Variants in COPG2 observed in about 807,000 individuals in gnomAD.
The protein encoded by COPG2 is coatomer subunit gamma-2.
COPG2 carries 37 observed loss-of-function variants against 46.3 expected under a neutral mutation model. The ratio of observed to expected loss-of-function variants is 0.80; its 90% CI spans 0.61 to 1.05. COPG2 has a LOEUF of 1.05. Among genes scored for constraint, COPG2 ranks in the 50% least tolerant of loss-of-function variants. The probability of loss-of-function intolerance (pLI) is 0.00; values close to 1 mark genes in which losing one functional copy is unlikely to be tolerated. For synonymous variants in COPG2, 159 were observed against 129.7 expected (o/e 1.23, Z -1.53); for missense variants, 427 against 387.8 (o/e 1.10, Z -0.85).
chr7:130,580,316 T>A (rs1554446891), intron 9 of COPG2, among the ~76,000 whole-genome samples: 1 of 139,548 alleles, frequency 7.2e-6, no homozygotes, highest in Non-Finnish European at 1.6e-5. Flanking sequence ...AGACACAACA[T>A]ACCAGAATCT....
chr7:130,663,206 T>A (rs1172353455), intron 3 of COPG2, among the ~76,000 whole-genome samples, 168 bp from the exon 4 acceptor site: 2 of 152,212 alleles, frequency 1.3e-5, no homozygotes, highest in Non-Finnish European at 2.9e-5. Flanking sequence ...TTTCAATGCA[T>A]AAACCCACAT....
intron 4 of COPG2, among the ~76,000 whole-genome samples, chr7:130,662,024 G>C (rs1477972522): frequency 1.3e-5 from 2 of 152,142 alleles, no homozygotes; most frequent in Non-Finnish European, 2.9e-5. Context: ...AAGGAATGGG[G>C]CCCTGAAAAG....
intron 20 of COPG2, chr7:130,510,332 TTAGGA>T: frequency 2.2e-6 from 1 of 449,286 alleles, no homozygotes; most frequent in Non-Finnish European, 4.4e-6. Flanking sequence ...TGTGGTTTAA[TTAGGA>T]TAGGATTTTC....
At chr7:130,654,662 T>A (rs1047960293) in intron 4 of COPG2, among the ~76,000 whole-genome samples, 2 of 151,942 alleles carry the variant, frequency 1.3e-5, no homozygotes, top group Admixed American at 6.6e-5. Flanking sequence ...CAAAGATGAG[T>A]ATTTGATTTT....
intron 9 of COPG2, among the ~76,000 whole-genome samples, chr7:130,597,649 GGAAT>G (rs1446774483): frequency 3.3e-5 from 5 of 151,906 alleles, no homozygotes; most frequent in Admixed American, 6.6e-5. Flanking sequence ...TTTAGTGAAA[GGAAT>G]GAAAAAAAGG....
At chr7:130,649,066 A>T (rs1027719635) in intron 5 of COPG2, among the ~76,000 whole-genome samples, 2 of 152,158 alleles carry the variant, frequency 1.3e-5, no homozygotes, top group African/African-American at 2.4e-5. Flanking sequence ...TCCATTAGAC[A>T]AGAGGCTCCT....
intron 20 of COPG2, among the ~76,000 whole-genome samples, chr7:130,535,300 C>T (rs1016129948): frequency 4.6e-5 from 7 of 151,972 alleles, no homozygotes; most frequent in Non-Finnish European, 7.4e-5. Context: ...AATGAGGCAG[C>T]GCCGACAGGG....
At position 130,561,182 on chromosome 7, in the gene COPG2, G is replaced by A. The variant is rs1008063314; in HGVS notation, c.979C>T (p.Leu327=). 4 of 398,422 alleles carry A rather than the reference G, an allele frequency of 1.0e-5. No individual in the cohort carries two copies. The highest frequency in any genetic ancestry group is 4.4e-5 in the Admixed American group (1 of 22,716). The allele number at this position is 398,422 out of a possible 1,614,324, so 24.7% of individuals were successfully genotyped here. A position where few individuals can be genotyped will look rare whatever the true frequency, so the allele number is the denominator to read the frequency against. Residue 327 remains leucine (L), a synonymous_variant, in exon 12 of 24, where the codon CTG becomes TTG. Coordinates refer to ENST00000425248, the MANE Select transcript of COPG2 (RefSeq NM_012133.6). ...KHPSAVTACN[L]DLENLITDSN... ...TCTGTGATTAAGTTTTCTAAGTCCA[G>A]ATTGCAGGCAGTAACAGCAGAGGGG... is the stretch of plus-strand genomic sequence containing the variant.
chr7:130,612,367 T>C (rs1794867847), intron 7 of COPG2, 129 bp from the exon 8 acceptor site: 3 of 615,524 alleles, frequency 4.9e-6, no homozygotes, highest in Middle Eastern at 3.1e-4. Context: ...CTCTTATAAG[T>C]CTATTTTGTG....
At chr7:130,633,456 A>G (rs1218232479) in intron 5 of COPG2, among the ~76,000 whole-genome samples, 4 of 152,194 alleles carry the variant, frequency 2.6e-5, no homozygotes, top group Non-Finnish European at 5.9e-5. Context: ...ATGAGATGGT[A>G]TCTCATTGTG....
At chr7:130,513,233 C>G (rs1799625508) in intron 20 of COPG2, among the ~76,000 whole-genome samples, 1 of 141,230 alleles carries the variant, frequency 7.1e-6, no homozygotes. Context: ...ATGCAGTGAG[C>G]CGAGATCAGG....
chr7:130,652,099 A>G (rs1389678643), intron 5 of COPG2, among the ~76,000 whole-genome samples: 2 of 152,194 alleles, frequency 1.3e-5, no homozygotes, highest in Non-Finnish European at 2.9e-5. Context: ...ATGGTTAATT[A>G]AATAATTTTA....
intron 12 of COPG2, among the ~76,000 whole-genome samples, chr7:130,556,932 G>A (rs2116395449): frequency 6.6e-6 from 1 of 152,186 alleles, no homozygotes; most frequent in South Asian, 2.1e-4. Flanking sequence ...AACCCTGAAA[G>A]GCATTCCCAT....
At chr7:130,578,973 G>A (rs1343880834) in intron 9 of COPG2, among the ~76,000 whole-genome samples, 6 of 145,560 alleles carry the variant, frequency 4.1e-5, no homozygotes, top group Non-Finnish European at 6.0e-5. Flanking sequence ...GCAGGCCAAC[G>A]TTCAGATTCA....
chr7:130,610,048 G>A (rs1465985374), intron 9 of COPG2: 1 of 516,956 alleles, frequency 1.9e-6, no homozygotes, highest in East Asian at 5.5e-5. Flanking sequence ...CTATATGTGG[G>A]TCATCTGTAA....
intron 9 of COPG2, among the ~76,000 whole-genome samples, chr7:130,568,135 C>A (rs1018961201): frequency 1.3e-5 from 2 of 152,176 alleles, no homozygotes; most frequent in East Asian, 3.9e-4. Flanking sequence ...ATTAGCTGGG[C>A]ATGGTGGTGG....
intron 20 of COPG2, among the ~76,000 whole-genome samples, chr7:130,537,767 G>T (rs1366256374): frequency 7.2e-5 from 11 of 152,188 alleles, no homozygotes; most frequent in Admixed American, 7.2e-4. Context: ...CCTCCTTTTT[G>T]CCCAAAAGGG....
chr7:130,616,051 G>A (rs1286241500), intron 6 of COPG2, among the ~76,000 whole-genome samples: 1 of 152,222 alleles, frequency 6.6e-6, no homozygotes, highest in Admixed American at 6.5e-5. Flanking sequence ...GAAGCCAGAA[G>A]ACATTGTCTC....
intron 20 of COPG2, among the ~76,000 whole-genome samples, chr7:130,512,454 G>A (rs1158719353): frequency 1.3e-5 from 2 of 151,676 alleles, no homozygotes; most frequent in Non-Finnish European, 2.9e-5. Context: ...TGATTATGAA[G>A]AGTGAAGTAA....
Sources: allele counts gnomAD v4.1 joint callset (sites outside exome capture counted in the v4.1 genomes callset), GRCh38; gene constraint gnomAD v4.1.1; transcripts MANE v1.5; gene names NCBI Gene and HGNC (gene_info 2026-07-23, HGNC 2026-07-21).